Variants in TMCC3 observed in about 807,000 individuals in gnomAD.
TMCC3 encodes the protein transmembrane and coiled-coil domain family 3.
TMCC3 carries 28 observed loss-of-function variants against 40.2 expected under a neutral mutation model. The ratio of observed to expected loss-of-function variants is 0.70; its 90% CI spans 0.52 to 0.95. TMCC3 has a LOEUF of 0.95. TMCC3 is among the 40% of genes least tolerant of loss of function. The probability of loss-of-function intolerance (pLI) is 0.00; values close to 1 mark genes in which losing one functional copy is unlikely to be tolerated. For missense variants in TMCC3, 554 were observed against 615.2 expected (o/e 0.90, Z 1.05); for synonymous variants, 255 against 248.5 (o/e 1.03, Z -0.25).
chr12:94,633,803 C>A (rs540388319), intron 1 of TMCC3, among the ~76,000 whole-genome samples: 1 of 152,108 alleles, frequency 6.6e-6, no homozygotes, highest in African/African-American at 2.4e-5. Flanking sequence ...GAATTATTCA[C>A]TAACAGTTCG....
chr12:94,601,166 C>A (rs2068750051), intron 1 of TMCC3, among the ~76,000 whole-genome samples: 1 of 152,116 alleles, frequency 6.6e-6, no homozygotes, highest in Non-Finnish European at 1.5e-5. Flanking sequence ...ATTATAATTA[C>A]CTTTGTTAAT....
intron 1 of TMCC3, among the ~76,000 whole-genome samples, chr12:94,639,933 T>G (rs2138883834): frequency 6.6e-6 from 1 of 152,296 alleles, no homozygotes; most frequent in African/African-American, 2.4e-5. Context: ...TCTAAGCATC[T>G]TCTAGACCAT....
chr12:94,607,696 G>A lies in TMCC3; in HGVS notation c.79-25158C>T, dbSNP rs375084969. Among the ~76,000 whole-genome samples the A allele has an allele frequency of 3.0e-4, 45 of 152,216 alleles. No homozygotes were observed. In the East Asian group the frequency reaches 5.0e-3, roughly 17 times the overall value. ...GCTGGGATTACAGGCATGAGCCACC[G>A]TGCCCAGCCTGAAAGAAGGTGAACT... is the stretch of plus-strand genomic sequence containing the variant. On this transcript the variant is annotated intron_variant, in intron 1 of 3. Coordinates refer to ENST00000261226, the MANE Select transcript of TMCC3 (RefSeq NM_020698.4).
intron 1 of TMCC3, among the ~76,000 whole-genome samples, chr12:94,584,442 T>C (rs2068626005): frequency 6.6e-6 from 1 of 152,078 alleles, no homozygotes; most frequent in Admixed American, 6.6e-5. Flanking sequence ...CTTCTTTTCT[T>C]ATAAATTATC....
At chr12:94,637,948 C>T (rs1470045746) in intron 1 of TMCC3, among the ~76,000 whole-genome samples, 1 of 152,140 alleles carries the variant, frequency 6.6e-6, no homozygotes, top group Non-Finnish European at 1.5e-5. Context: ...AAAAAGAACA[C>T]AACTATCTCC....
chr12:94,610,553 C>T (rs1268857187), intron 1 of TMCC3, among the ~76,000 whole-genome samples: 1 of 152,102 alleles, frequency 6.6e-6, no homozygotes, highest in East Asian at 1.9e-4. Context: ...GATAGTCTGC[C>T]ACCCCTACCA....
intron 1 of TMCC3, among the ~76,000 whole-genome samples, chr12:94,626,781 C>T (rs556403946): frequency 2.0e-5 from 3 of 152,230 alleles, no homozygotes; most frequent in South Asian, 4.2e-4. Flanking sequence ...CTTGTATTTA[C>T]GTTATCTTAC....
chr12:94,621,546 C>A (rs942719509), intron 1 of TMCC3, among the ~76,000 whole-genome samples: 2 of 152,190 alleles, frequency 1.3e-5, no homozygotes, highest in Non-Finnish European at 2.9e-5. Context: ...TTCCCACTCC[C>A]CAGACCAGTG....
At chr12:94,636,809 CA>C (rs766161562) in intron 1 of TMCC3, among the ~76,000 whole-genome samples, 9 of 152,250 alleles carry the variant, frequency 5.9e-5, no homozygotes, top group Non-Finnish European at 1.3e-4. Flanking sequence ...CTCAGGTCTA[CA>C]GTTGCAAGAA....
rs560583256 is a variant in TMCC3 at position 94,621,230 on chromosome 12, A to C, written c.78+29123T>G. 1.1e-4 allele frequency among the ~76,000 whole-genome samples: 17 copies of C among 152,310 alleles called. No individual in the cohort carries two copies. The South Asian group carries it at 3.5e-3, about 32-fold the overall frequency. ...TTTAAAATAAGTAACTTTCTCAAAC[A>C]CTGATATGGGGTTTAGAGTTAACAC... is the stretch of plus-strand genomic sequence containing the variant. On this transcript the variant is annotated intron_variant, in intron 1 of 3. Transcript: ENST00000261226.
Position 94,570,279 on chromosome 12 carries a change from G to C in TMCC3, c.*1156C>G, listed in dbSNP as rs1281563750. On this transcript the variant is annotated 3_prime_UTR_variant, in exon 4 of 4. Coordinates refer to ENST00000261226, the MANE Select transcript of TMCC3 (RefSeq NM_020698.4). ...CGTTTCCTCATGCTTTCAGCGTTCCGACACCTCAGTGCACTTGAACTTTAG... is the reference window on the plus strand; with the variant it reads ...CGTTTCCTCATGCTTTCAGCGTTCCCACACCTCAGTGCACTTGAACTTTAG... The C allele has an allele frequency of 6.6e-6, 1 of 152,146 alleles. No homozygotes were observed. The highest frequency in any genetic ancestry group is 1.5e-5 in the Non-Finnish European group (1 of 68,036). The allele number at this position is 152,146 out of a possible 1,614,324, so 9.4% of individuals were successfully genotyped here.
intron 1 of TMCC3, among the ~76,000 whole-genome samples, chr12:94,593,123 G>A (rs1052467412): frequency 4.0e-5 from 6 of 151,780 alleles, no homozygotes; most frequent in African/African-American, 1.5e-4. Flanking sequence ...CTTGCACCTG[G>A]GAGGTGGAGG....
At chr12:94,592,661 C>CAAAACAAAAAAAAAAAAAAA (rs2068684926) in intron 1 of TMCC3, among the ~76,000 whole-genome samples, 1 of 27,496 alleles carries the variant, frequency 3.6e-5, no homozygotes, top group Non-Finnish European at 6.8e-5. Context: ...GGCTCCATCT[C>CAAAACAAAAAAAAAAAAAAA]AAAAAAAAAA....
rs2068501661 is a variant in TMCC3, at chr12:94,567,514, CTG to C, written c.*3919_*3920del. Reference sequence around the variant, plus strand: ...ACTTTCTAGCTTCTTATAAATTAAACTGTACTGATTTCAGGAAACTATAGGTT... The same window carrying C: ...ACTTTCTAGCTTCTTATAAATTAAACTACTGATTTCAGGAAACTATAGGTT... On this transcript the variant is annotated 3_prime_UTR_variant, in exon 4 of 4. Transcript: ENST00000261226. The C allele has an allele frequency of 6.6e-6, 1 of 152,104 alleles. No individual in the cohort carries two copies. Among genetic ancestry groups the C allele is most frequent in the Non-Finnish European group, 1.5e-5 (1 of 68,028 alleles). The allele number at this position is 152,104 out of a possible 1,614,324, so 9.4% of individuals were successfully genotyped here.
chr12:94,595,895 A>G lies in TMCC3; in HGVS notation c.79-13357T>C, dbSNP rs185198241. ...AAAATGTCCATGAAAAGTACATTCAATCGATATTTTGGTACAGTATTTCTG... is the reference window on the plus strand; with the variant it reads ...AAAATGTCCATGAAAAGTACATTCAGTCGATATTTTGGTACAGTATTTCTG... On this transcript the variant is annotated intron_variant, in intron 1 of 3. Transcript: ENST00000261226. Among the ~76,000 whole-genome samples the G allele has an allele frequency of 5.9e-5, 9 of 152,294 alleles. No individual in the cohort carries two copies. In the East Asian group the frequency reaches 1.7e-3, roughly 29 times the overall value.
In TMCC3 at chr12:94,570,507, G is replaced by C. The variant is rs536156519; in HGVS notation, c.*928C>G. The stretch of plus-strand genomic sequence containing the variant: ...CATGGTGGCTTGTGCCTGCAGTCCC[G>C]GCTGCTTGGGAGGCTGAGGTGGGAG... On this transcript the variant is annotated 3_prime_UTR_variant, in exon 4 of 4. Transcript: ENST00000261226. 2.0e-5 allele frequency: 3 copies of C among 152,260 alleles called. No homozygotes were observed. The highest frequency in any genetic ancestry group is 7.2e-5 in the African/African-American group (3 of 41,556). 9.4% of individuals were successfully genotyped at this position (152,260 alleles called of 1,614,324 possible).
At chr12:94,635,068 C>T (rs139004611) in intron 1 of TMCC3, among the ~76,000 whole-genome samples, 1 of 152,296 alleles carries the variant, frequency 6.6e-6, no homozygotes, top group Admixed American at 6.5e-5. Context: ...ATAATTAACA[C>T]AAGCGCATCT....
rs1404652350 is a variant in TMCC3, at chr12:94,570,808, T to C, written c.*627A>G. On this transcript the variant is annotated 3_prime_UTR_variant, in exon 4 of 4. Coordinates refer to ENST00000261226, the MANE Select transcript of TMCC3 (RefSeq NM_020698.4). ...ATTCATAAATCCCTATGCCTTCCCA[T>C]TTAAAGTGTAACAAAACCCCTCAGG... 2 of 152,806 alleles carry C rather than the reference T, an allele frequency of 1.3e-5. No homozygotes were observed. Among genetic ancestry groups the C allele is most frequent in the African/African-American group, 4.8e-5 (2 of 41,424 alleles). 9.5% of individuals were successfully genotyped at this position (152,806 alleles called of 1,614,324 possible).
chr12:94,572,459 C>T (rs899239968), intron 3 of TMCC3, among the ~76,000 whole-genome samples: 6 of 151,980 alleles, frequency 3.9e-5, no homozygotes, highest in East Asian at 1.9e-4. Context: ...TACAGGTGCA[C>T]GCCACCACGC....
Sources: gnomAD v4.1 joint callset for allele counts (sites outside exome capture counted in the v4.1 genomes callset) on GRCh38, gnomAD v4.1.1 for gene constraint, MANE v1.5 for transcripts, NCBI Gene and HGNC (gene_info 2026-07-23, HGNC 2026-07-21) for gene names.